The following CHN2 variants were observed in gnomAD, a reference collection of about 807,000 sequenced individuals.
CHN2 encodes beta-chimaerin.
Under a neutral mutation model 56.3 loss-of-function variants are expected in CHN2, and 35 were observed. The ratio of observed to expected loss-of-function variants is 0.62; its 90% confidence interval spans 0.47 to 0.82. The LOEUF is 0.82. Ranked by LOEUF, CHN2 falls within the 40% of genes least tolerant of loss-of-function variation. The pLI is 0.00. For missense variants in CHN2, 491 were observed against 580.5 expected, an observed-to-expected ratio of 0.85 and a Z score of 1.58; for synonymous variants, 210 against 212.8, an observed-to-expected ratio of 0.99 and a Z score of 0.12.
intron 1 of CHN2, among the ~76,000 whole-genome samples, chr7:29,301,308 A>C (rs906734510): frequency 6.6e-6 from 1 of 150,618 alleles, no homozygotes; most frequent in African/African-American, 2.4e-5. Context: ...ACTCTTTGCC[A>C]CCCAAAGTAT....
chr7:29,344,776 G>A (rs3793280), intron 1 of CHN2, among the ~76,000 whole-genome samples: 34,370 of 151,874 alleles, frequency 0.23, 4,459 homozygotes, highest in Non-Finnish European at 0.3. Context: ...CCCTGGACAG[G>A]GCTACTCAAG....
chr7:29,390,447 C>T (rs1801275652), intron 3 of CHN2, among the ~76,000 whole-genome samples: 1 of 152,186 alleles, frequency 6.6e-6, no homozygotes, highest in Non-Finnish European at 1.5e-5. Context: ...GTCACAGTGG[C>T]AGGGAAGCTC....
At chr7:29,305,879 C>T (rs895408965) in intron 1 of CHN2, among the ~76,000 whole-genome samples, 2 of 136,454 alleles carry the variant, frequency 1.5e-5, no homozygotes, top group Non-Finnish European at 3.2e-5. Flanking sequence ...ACCCCTCCAA[C>T]CCCTTCCTCT....
At chr7:29,307,435 C>T (rs1271760738) in intron 1 of CHN2, among the ~76,000 whole-genome samples, 1 of 152,130 alleles carries the variant, frequency 6.6e-6, no homozygotes, top group East Asian at 1.9e-4. Context: ...GAATAATGGT[C>T]CCTGCAAACA....
At chr7:29,362,468 TAAAAC>T (rs1348111645) in intron 2 of CHN2, among the ~76,000 whole-genome samples, 1 of 152,212 alleles carries the variant, frequency 6.6e-6, no homozygotes, top group Non-Finnish European at 1.5e-5. Context: ...ACCAATATTT[TAAAAC>T]AGAGTAGATC....
chr7:29,435,035 T>C (rs1156367326), intron 6 of CHN2, among the ~76,000 whole-genome samples: 4 of 152,008 alleles, frequency 2.6e-5, no homozygotes, highest in Non-Finnish European at 5.9e-5. Context: ...AAGGCTTCAG[T>C]GAGCCAAGAT....
At chr7:29,418,678 A>T (rs939088755) in intron 6 of CHN2, among the ~76,000 whole-genome samples, 2 of 152,266 alleles carry the variant, frequency 1.3e-5, no homozygotes, top group East Asian at 3.9e-4. Context: ...CCCTCTGTCC[A>T]GGGGCTAAGC....
At chr7:29,370,981 C>CT (rs1182500493) in intron 3 of CHN2, among the ~76,000 whole-genome samples, 1 of 152,210 alleles carries the variant, frequency 6.6e-6, no homozygotes, top group African/African-American at 2.4e-5. Flanking sequence ...GAGCCAACCA[C>CT]TTACTCTCTC....
intron 6 of CHN2, among the ~76,000 whole-genome samples, chr7:29,410,713 G>T: frequency 6.6e-6 from 1 of 152,128 alleles, no homozygotes; most frequent in Non-Finnish European, 1.5e-5. Context: ...GAGGGAAAAA[G>T]TTATAGGAGT....
chr7:29,162,819 G>A (rs1176612624), intron 2 of CHN2, among the ~76,000 whole-genome samples: 1 of 152,174 alleles, frequency 6.6e-6, no homozygotes, highest in Non-Finnish European at 1.5e-5. Context: ...GGAAGAGGAG[G>A]GAGAGCCTAA....
intron 1 of CHN2, among the ~76,000 whole-genome samples, chr7:29,228,051 C>CAT (rs1786349644): frequency 6.6e-6 from 1 of 151,880 alleles, no homozygotes; most frequent in Non-Finnish European, 1.5e-5. Flanking sequence ...GAGTTCTAAA[C>CAT]ATGATATCAA....
chr7:29,475,704 A>G (rs1251627643), intron 6 of CHN2, among the ~76,000 whole-genome samples: 1 of 152,262 alleles, frequency 6.6e-6, no homozygotes, highest in Non-Finnish European at 1.5e-5. Flanking sequence ...TGAAGTACTG[A>G]TACATGCCAC....
chr7:29,497,205 G>A (rs999683164), intron 8 of CHN2, among the ~76,000 whole-genome samples: 4 of 152,148 alleles, frequency 2.6e-5, no homozygotes, highest in African/African-American at 9.7e-5. Flanking sequence ...CAGAAACTCT[G>A]TTTAACACTA....
intron 1 of CHN2, among the ~76,000 whole-genome samples, chr7:29,313,430 G>C (rs1794732731): frequency 6.6e-6 from 1 of 152,172 alleles, no homozygotes; most frequent in Non-Finnish European, 1.5e-5. Context: ...TGAGGCAGAT[G>C]ATCTTCCTGA....
chr7:29,473,705 C>A (rs1324738080), intron 6 of CHN2, among the ~76,000 whole-genome samples: 1 of 151,848 alleles, frequency 6.6e-6, no homozygotes, highest in Non-Finnish European at 1.5e-5. Flanking sequence ...TCCGGGGGTT[C>A]TGATGCCTGC....
At chr7:29,249,402 T>C (rs947674217) in intron 1 of CHN2, among the ~76,000 whole-genome samples, 2 of 152,220 alleles carry the variant, frequency 1.3e-5, no homozygotes, top group African/African-American at 4.8e-5. Context: ...TCTGTTTTTG[T>C]TCTTTCCAGA....
Position 29,327,335 on chromosome 7 carries a change from G to A in CHN2, c.50-27290G>A, listed in dbSNP as rs568315646. Among the ~76,000 whole-genome samples, 3 of 152,316 alleles carry A rather than the reference G, an allele frequency of 2.0e-5. No homozygotes were observed. In the South Asian group the frequency reaches 6.2e-4, roughly 32 times the overall value. ...CAGAAAAGTTGGAGATAAGGCTCAG[G>A]AGTTTGTGTTTTGCTAATCCCTACA... On this transcript the variant is annotated intron_variant, in intron 1 of 12. Coordinates refer to ENST00000222792, the MANE Select transcript of CHN2 (RefSeq NM_004067.4).
intron 1 of CHN2, among the ~76,000 whole-genome samples, chr7:29,323,936 G>A (rs971732486): frequency 4.6e-5 from 7 of 151,958 alleles, no homozygotes; most frequent in African/African-American, 9.7e-5. Flanking sequence ...CCCGGGAGGC[G>A]GAGCTTGCAG....
intron 6 of CHN2, among the ~76,000 whole-genome samples, chr7:29,431,655 G>A (rs900414832): frequency 1.3e-5 from 2 of 152,156 alleles, no homozygotes; most frequent in Non-Finnish European, 2.9e-5. Context: ...CTGCTAAACC[G>A]GACAGTGAAA....
Sources: allele counts gnomAD v4.1 joint callset (sites outside exome capture counted in the v4.1 genomes callset), GRCh38; gene constraint gnomAD v4.1.1; transcripts MANE v1.5; gene names NCBI Gene and HGNC (gene_info 2026-07-23, HGNC 2026-07-21).